The following WNK1 variants were observed in gnomAD, a reference collection of about 807,000 sequenced individuals.
The protein encoded by WNK1 is WNK lysine deficient protein kinase 1.
In WNK1, 38 loss-of-function variants were observed where a neutral mutation model predicts 222.8. The ratio of observed to expected loss-of-function variants is 0.17; its 90% CI spans 0.13 to 0.22. The LOEUF (loss-of-function observed/expected upper bound fraction) is 0.22, where lower values mean the gene tolerates loss of function less well. Among genes scored for constraint, WNK1 ranks in the 10% least tolerant of loss-of-function variants. WNK1 has a pLI of 1.00. For missense variants in WNK1, 2,348 were observed against 2,918.4 expected (o/e 0.80, Z 4.50); for synonymous variants, 1,090 against 1,092.9 (o/e 1.00, Z 0.05).
At chr12:832,398 T>G (rs1948871467) in intron 4 of WNK1, among the ~76,000 whole-genome samples, 1 of 152,212 alleles carries the variant, frequency 6.6e-6, no homozygotes. Context: ...AGGAAACATT[T>G]TGCTTTAGGT....
chr12:886,038 T>C lies in WNK1; in HGVS notation c.5234T>C (p.Val1745Ala). ...STPVSTTTSG[V>A]KPGTAPSKPP... ...CCAGTCAGCACTACTACATCAGGAG[T>C]GAAACCTGGAACTGCTCCCTCCAAG... The change falls in exon 19 of 28, where the codon GTG becomes GCG. Residue 1745 changes from valine (V) to alanine (A), a missense_variant. Val to Ala is a moderately conservative substitution (Grantham distance 64). This residue lies in a region of WNK1 where 1,144 missense variants were observed against 1,273.6 expected (regional missense o/e 0.90). Transcript: ENST00000315939. 1 of 1,600,908 alleles carries C rather than the reference T, an allele frequency of 6.2e-7. No homozygotes were observed.
chr12:827,677 C>G lies in WNK1; in HGVS notation c.1153+415C>G, dbSNP rs1948465875. ...CCGAGTAGCTGGGATTACAGGCATG[C>G]ATCACCATGCCTGGCTAATTTTTGT... On this transcript the variant is annotated intron_variant, in intron 3 of 27. Transcript: ENST00000315939. This position sits in a 1 kb window ranked among gnomAD's most constrained non-coding sequence, Gnocchi z 4.6. Among the ~76,000 whole-genome samples, 3 of 152,132 alleles carry G rather than the reference C, an allele frequency of 2.0e-5. No homozygotes were observed. The highest frequency in any genetic ancestry group is 4.1e-4 in the South Asian group (2 of 4,822).
rs922709215 is a variant in WNK1 at position 853,787 on chromosome 12, G to A, written c.1312-3374G>A. Among the ~76,000 whole-genome samples, 7 of 152,134 alleles carry A rather than the reference G, an allele frequency of 4.6e-5. No individual in the cohort carries two copies. The East Asian group carries it at 1.4e-3, about 30-fold the overall frequency. ...TTTTTTTGAGACAGGGTCTCACTGT[G>A]TCACCCAGGCGAGAGTGCAGTGGCA... On this transcript the variant is annotated intron_variant, in intron 4 of 27. Transcript: ENST00000315939.
At chr12:796,043 T>G (rs1368607770) in intron 1 of WNK1, among the ~76,000 whole-genome samples, 1 of 152,042 alleles carries the variant, frequency 6.6e-6, no homozygotes, top group East Asian at 1.9e-4. Context: ...CAGCTAATTT[T>G]TGTATGCGTT....
chr12:837,081 G>T (rs1343616905), intron 4 of WNK1, among the ~76,000 whole-genome samples: 2 of 152,184 alleles, frequency 1.3e-5, no homozygotes, highest in Non-Finnish European at 2.9e-5. Context: ...AGCAATGAAC[G>T]ATTCGTGAAT....
chr12:830,240 A>T, intron 4 of WNK1, 80 bp downstream of exon 4: 1 of 1,506,976 alleles, frequency 6.6e-7, no homozygotes, highest in South Asian at 1.1e-5. Context: ...CAAACCATGT[A>T]AAAGAGGACA....
At chr12:814,129 G>A (rs1194854300) in intron 2 of WNK1, among the ~76,000 whole-genome samples, 2 of 152,132 alleles carry the variant, frequency 1.3e-5, no homozygotes, top group Non-Finnish European at 2.9e-5. Context: ...AGGAGTTCGA[G>A]ACCAGCCTGG....
intron 10 of WNK1, 149 bp from the exon 11 acceptor site, chr12:879,424 T>A (rs761551931): frequency 8.9e-6 from 6 of 670,962 alleles, no homozygotes; most frequent in Middle Eastern, 4.0e-4. Context: ...CACTAATGTA[T>A]GCAGGGTTTT....
At chr12:871,208 C>G (rs1952115269) in intron 8 of WNK1, 57 bp from the exon 9 acceptor site, 14 of 1,501,672 alleles carry the variant, frequency 9.3e-6, no homozygotes, top group Middle Eastern at 1.7e-4. Context: ...AAAGCCTGAC[C>G]TCTATACACT....
intron 1 of WNK1, among the ~76,000 whole-genome samples, chr12:783,917 AAAAAAAAAAAAAAAAAAATTATCC>A: frequency 8.3e-6 from 1 of 120,898 alleles, no homozygotes; most frequent in African/African-American, 2.9e-5. Context: ...CCAAAAAAAA[AAAAAAAAAAAAAAAAAAATTATCC>A]AGGCACAGCG....
chr12:764,634 C>CAAAAAAAAA (rs529312629), intron 1 of WNK1, among the ~76,000 whole-genome samples: 3 of 50,154 alleles, frequency 6.0e-5, no homozygotes, highest in East Asian at 1.1e-3. Flanking sequence ...AACTCCGTCT[C>CAAAAAAAAA]AAAAAAAAAA....
At chr12:761,126 A>T (rs576933256) in intron 1 of WNK1, among the ~76,000 whole-genome samples, 1 of 147,282 alleles carries the variant, frequency 6.8e-6, no homozygotes, top group Admixed American at 6.8e-5. Context: ...TGATTTTTAC[A>T]TAAGAGGAAA....
At chr12:892,240 T>C (rs1351782233) in intron 22 of WNK1, among the ~76,000 whole-genome samples, 3 of 152,072 alleles carry the variant, frequency 2.0e-5, no homozygotes, top group Non-Finnish European at 1.5e-5. Context: ...CAAGGGGATT[T>C]TTTTCAACTA....
intron 27 of WNK1, 170 bp from the exon 28 acceptor site, chr12:908,305 C>T (rs1026522930): frequency 8.8e-6 from 7 of 797,578 alleles, no homozygotes; most frequent in Non-Finnish European, 1.4e-5. Context: ...ACATCCCTCC[C>T]TCTCATGAGG....
chr12:784,986 T>C (rs1456197533), intron 1 of WNK1, among the ~76,000 whole-genome samples: 1 of 152,238 alleles, frequency 6.6e-6, no homozygotes, highest in Non-Finnish European at 1.5e-5. Context: ...TCATCTTCCT[T>C]TCCCTTTCCT....
At chr12:763,001 C>T (rs1465628500) in intron 1 of WNK1, among the ~76,000 whole-genome samples, 1 of 146,682 alleles carries the variant, frequency 6.8e-6, no homozygotes, top group African/African-American at 2.4e-5. Flanking sequence ...CAGCCTCGGC[C>T]TCCCAAAGTG....
intron 8 of WNK1, chr12:868,668 G>C: frequency 6.2e-7 from 1 of 1,613,934 alleles, no homozygotes; most frequent in Non-Finnish European, 8.5e-7. Flanking sequence ...TCAGGAGAAG[G>C]AGGTGGAATT....
chr12:790,094 A>AG (rs1043640770), intron 1 of WNK1, among the ~76,000 whole-genome samples: 1 of 152,112 alleles, frequency 6.6e-6, no homozygotes, highest in African/African-American at 2.4e-5. Context: ...AGCAAGGAGG[A>AG]GGGGGTTTGG....
rs571420392 is a variant in WNK1 at position 844,619 on chromosome 12, A to G, written c.1312-12542A>G. Among the ~76,000 whole-genome samples, 4 of 152,244 alleles carry G rather than the reference A, an allele frequency of 2.6e-5. No individual in the cohort carries two copies. In the East Asian group the frequency reaches 7.7e-4, roughly 29 times the overall value. On this transcript the variant is annotated intron_variant, in intron 4 of 27. Coordinates refer to ENST00000315939, the MANE Select transcript of WNK1 (RefSeq NM_018979.4). Reference sequence around the variant, plus strand: ...ATGAAAATTTAGTTGTGTATGCTCTACAGTCCTTAATTCTGCACTGTCCAT... The same window carrying G: ...ATGAAAATTTAGTTGTGTATGCTCTGCAGTCCTTAATTCTGCACTGTCCAT...
Sources: gnomAD v4.1 joint callset for allele counts (sites outside exome capture counted in the v4.1 genomes callset) on GRCh38, gnomAD v4.1.1 for gene constraint, gnomAD v4.1.1 regional missense constraint, Gnocchi (gnomAD v3.1) non-coding constraint, MANE v1.5 for transcripts, NCBI Gene and HGNC (gene_info 2026-07-23, HGNC 2026-07-21) for gene names.